The following FHIT variants were observed in gnomAD, a reference collection of about 807,000 sequenced individuals.
FHIT encodes the protein bis(5'-adenosyl)-triphosphatase.
In FHIT, 19 loss-of-function variants were observed where a neutral mutation model predicts 17.9. The ratio of observed to expected loss-of-function variants is 1.06; its 90% CI spans 0.74 to 1.56. The LOEUF (loss-of-function observed/expected upper bound fraction) is 1.56. Among genes scored for constraint, FHIT ranks in the 40% most tolerant of loss-of-function variants. FHIT has a pLI of 0.00. For synonymous variants in FHIT, 81 were observed against 69.7 expected (o/e 1.16, Z -0.81); for missense variants, 248 against 189.2 (o/e 1.31, Z -1.82).
chr3:60,926,829 G>A (rs1412711336), intron 3 of FHIT, among the ~76,000 whole-genome samples: 2 of 152,116 alleles, frequency 1.3e-5, no homozygotes, highest in African/African-American at 4.8e-5. Flanking sequence ...AAGAAGAAGA[G>A]AGAGAAGAAT....
At chr3:60,033,101 A>C (rs896868809) in intron 5 of FHIT, among the ~76,000 whole-genome samples, 1 of 152,208 alleles carries the variant, frequency 6.6e-6, no homozygotes, top group African/African-American at 2.4e-5. Context: ...TAAGGTGTGG[A>C]TCTTTTTTGG....
intron 4 of FHIT, among the ~76,000 whole-genome samples, chr3:60,669,018 C>T (rs1348253390): frequency 6.6e-6 from 1 of 152,148 alleles, no homozygotes; most frequent in African/African-American, 2.4e-5. Context: ...TATTTCCATT[C>T]ATTTTTTGGC....
At chr3:60,499,247 C>A (rs1172363259) in intron 5 of FHIT, among the ~76,000 whole-genome samples, 4 of 152,112 alleles carry the variant, frequency 2.6e-5, no homozygotes, top group Non-Finnish European at 5.9e-5. Flanking sequence ...ATTAAAAATC[C>A]TGTTTTCCTT....
At chr3:60,741,824 A>G (rs1161024580) in intron 4 of FHIT, among the ~76,000 whole-genome samples, 2 of 152,162 alleles carry the variant, frequency 1.3e-5, no homozygotes, top group Non-Finnish European at 2.9e-5. Context: ...CTGAATCTGT[A>G]CTTTGATTTA....
intron 5 of FHIT, among the ~76,000 whole-genome samples, chr3:60,130,824 TAGGTGTGTACATAC>T: frequency 6.7e-6 from 1 of 149,498 alleles, no homozygotes; most frequent in Admixed American, 6.6e-5. Flanking sequence ...TATGTGTGTA[TAGGTGTGTACATAC>T]ATACACATAC....
At position 60,916,467 on chromosome 3, in the gene FHIT, A is replaced by C. The variant is rs533591782; in HGVS notation, c.-110-94456T>G. 4.6e-5 allele frequency among the ~76,000 whole-genome samples: 7 copies of C among 152,314 alleles called. No individual in the cohort carries two copies. In the South Asian group the frequency reaches 1.0e-3, roughly 23 times the overall value. ...AACTGATCCTTTCTCTCTTAAAAAGAGTCGGGGTAAAAATCACCCATTTTT... is the reference window on the plus strand; with the variant it reads ...AACTGATCCTTTCTCTCTTAAAAAGCGTCGGGGTAAAAATCACCCATTTTT... On this transcript the variant is annotated intron_variant, in intron 3 of 9. Coordinates refer to ENST00000492590, the MANE Select transcript of FHIT (RefSeq NM_002012.4).
intron 8 of FHIT, among the ~76,000 whole-genome samples, chr3:59,905,932 G>C (rs1272022861): frequency 6.6e-6 from 1 of 152,152 alleles, no homozygotes; most frequent in Admixed American, 6.5e-5. Flanking sequence ...GCAAATAACA[G>C]TGCTTTGTAA....
chr3:60,594,273 T>C (rs576026299), intron 4 of FHIT, among the ~76,000 whole-genome samples: 11 of 152,198 alleles, frequency 7.2e-5, no homozygotes, highest in Admixed American at 2.0e-4. Context: ...CTAAGAAATA[T>C]AGTACACACA....
At chr3:59,994,001 C>G (rs571934886) in intron 7 of FHIT, among the ~76,000 whole-genome samples, 1 of 152,056 alleles carries the variant, frequency 6.6e-6, no homozygotes, top group Non-Finnish European at 1.5e-5. Flanking sequence ...TTAACTCTTA[C>G]TATTCTCATA....
chr3:59,987,641 T>C (rs373662654), intron 7 of FHIT, among the ~76,000 whole-genome samples: 171 of 152,206 alleles, frequency 1.1e-3, no homozygotes, highest in African/African-American at 4.1e-3. Context: ...CTTTCCTCTC[T>C]GCCTTTAATT....
At chr3:61,089,609 A>G (rs1041471698) in intron 2 of FHIT, among the ~76,000 whole-genome samples, 5 of 152,228 alleles carry the variant, frequency 3.3e-5, no homozygotes, top group Non-Finnish European at 5.9e-5. Flanking sequence ...TGAAACACAT[A>G]AAAGAAATAG....
intron 3 of FHIT, among the ~76,000 whole-genome samples, chr3:60,861,646 T>C (rs2107001250): frequency 6.6e-6 from 1 of 152,108 alleles, no homozygotes; most frequent in South Asian, 2.1e-4. Flanking sequence ...TTGAAATCAC[T>C]GCAAAAGGAC....
At chr3:61,225,143 G>A (rs1038736335) in intron 1 of FHIT, among the ~76,000 whole-genome samples, 1 of 152,192 alleles carries the variant, frequency 6.6e-6, no homozygotes, top group African/African-American at 2.4e-5. Flanking sequence ...AAGGGAAACA[G>A]CATGAAGGAA....
chr3:60,369,622 A>G (rs558334141), intron 5 of FHIT, among the ~76,000 whole-genome samples: 3 of 152,048 alleles, frequency 2.0e-5, no homozygotes, highest in Non-Finnish European at 4.4e-5. Context: ...GAGTGGGCCT[A>G]TTTGGTTTTA....
At chr3:61,008,719 C>G (rs1322203457) in intron 3 of FHIT, among the ~76,000 whole-genome samples, 1 of 152,146 alleles carries the variant, frequency 6.6e-6, no homozygotes, top group African/African-American at 2.4e-5. Flanking sequence ...TATCTTTTCT[C>G]ACACTCCAAT....
intron 8 of FHIT, among the ~76,000 whole-genome samples, chr3:59,900,970 G>C (rs192267068): frequency 2.6e-4 from 39 of 152,260 alleles, no homozygotes; most frequent in African/African-American, 9.1e-4. Flanking sequence ...CCTTGGGGTT[G>C]TTTATATTTC....
At chr3:60,454,899 T>C (rs1306728960) in intron 5 of FHIT, among the ~76,000 whole-genome samples, 1 of 151,818 alleles carries the variant, frequency 6.6e-6, no homozygotes, top group Non-Finnish European at 1.5e-5. Flanking sequence ...CTTACGCAAG[T>C]TTTACCATAA....
At chr3:61,202,988 G>A (rs543841893) in intron 1 of FHIT, among the ~76,000 whole-genome samples, 17 of 151,980 alleles carry the variant, frequency 1.1e-4, no homozygotes, top group African/African-American at 4.1e-4. Context: ...AGACCATCCT[G>A]GCTAATATGG....
chr3:60,755,417 T>A lies in FHIT; in HGVS notation c.-18+66502A>T, dbSNP rs568286909. Among the ~76,000 whole-genome samples the A allele has an allele frequency of 1.8e-3, 281 of 152,326 alleles. 3 individuals carry two copies. The highest frequency in any genetic ancestry group is 1.6e-3 in the Non-Finnish European group (108 of 68,022). On this transcript the variant is annotated intron_variant, in intron 4 of 9. Transcript: ENST00000492590. Reference sequence around the variant, plus strand: ...TTTTAAGATAAGTCGAAAATCTGCATTCTATGGATAATATCTCAACTTCAA... The same window carrying A: ...TTTTAAGATAAGTCGAAAATCTGCAATCTATGGATAATATCTCAACTTCAA...
Sources: gnomAD v4.1 joint callset for allele counts (sites outside exome capture counted in the v4.1 genomes callset) on GRCh38, gnomAD v4.1.1 for gene constraint, MANE v1.5 for transcripts, NCBI Gene and HGNC (gene_info 2026-07-23, HGNC 2026-07-21) for gene names.